PLPP7: variants seen among roughly 807,000 people sequenced by gnomAD.
PLPP7 encodes inactive phospholipid phosphatase 7.
PLPP7 carries 11 observed loss-of-function variants against 16.9 expected under a neutral mutation model. The ratio of observed to expected loss-of-function variants is 0.65; its 90% CI spans 0.41 to 1.08. PLPP7 has a LOEUF of 1.08. PLPP7 is among the 50% of genes least tolerant of loss of function. PLPP7 has a pLI of 0.00. For synonymous variants in PLPP7, 174 were observed against 175.1 expected, an observed-to-expected ratio of 0.99 and a Z score of 0.05; for missense variants, 358 against 397.1, an observed-to-expected ratio of 0.90 and a Z score of 0.84.
Position 131,308,507 on chromosome 9 carries a change from G to A in PLPP7, c.*220G>A, listed in dbSNP as rs2131222987. The A allele has an allele frequency of 1.3e-6, 1 of 753,398 alleles. No homozygotes were observed. Among genetic ancestry groups the A allele is most frequent in the Non-Finnish European group, 2.1e-6 (1 of 482,366 alleles). 46.7% of individuals were successfully genotyped at this position (753,398 alleles called of 1,614,324 possible). A position where few individuals can be genotyped will look rare whatever the true frequency, so the allele number is the denominator to read the frequency against. ...GCCAGGCCTCTTGCCCCTTTGCTTG[G>A]ACTCCAAGTCTCCTCTCTAGGCAGC... On this transcript the variant is annotated 3_prime_UTR_variant, in exon 2 of 2. Coordinates refer to ENST00000372264, the MANE Select transcript of PLPP7 (RefSeq NM_032728.4).
chr9:131,290,394 C>G lies in PLPP7; in HGVS notation c.397C>G (p.Leu133Val). 1 of 1,596,006 alleles carries G rather than the reference C, an allele frequency of 6.3e-7. No individual in the cohort carries two copies. Among genetic ancestry groups the G allele is most frequent in the Non-Finnish European group, 8.5e-7 (1 of 1,171,450 alleles). Residue 133 changes from leucine (L) to valine (V), a missense_variant, in exon 1 of 2, where the codon CTG (leucine) becomes GTG (valine). Coordinates refer to ENST00000372264, the MANE Select transcript of PLPP7 (RefSeq NM_032728.4). This position sits in a 1 kb window ranked among gnomAD's most constrained non-coding sequence, Gnocchi z 4.2. ...IPWIGGTILCLVKSSTLAGQE... is the reference protein window; with the variant it reads ...IPWIGGTILCVVKSSTLAGQE... ...CTGGATCGGAGGCACCATCCTCTGC[C>G]TGGTGAAGAGCAGCACACTGGCCGG...
chr9:131,291,151 T>A, intron 1 of PLPP7: 1 of 1,366,398 alleles, frequency 7.3e-7, no homozygotes, highest in Non-Finnish European at 9.8e-7. Context: ...GGGGCCCATG[T>A]GGAGGCAAGC....
At chr9:131,307,273 C>T (rs138942314) in intron 1 of PLPP7, among the ~76,000 whole-genome samples, 1,562 of 146,766 alleles carry the variant, frequency 0.011, 27 homozygotes, top group African/African-American at 0.038. Flanking sequence ...GAAAAAGGGC[C>T]GGGCGCAGTG....
chr9:131,302,657 C>T (rs7040709), intron 1 of PLPP7, among the ~76,000 whole-genome samples: 6,115 of 152,302 alleles, frequency 0.04, 440 homozygotes, highest in African/African-American at 0.14. Flanking sequence ...AGGCCCCGCC[C>T]TCCTTGGGCC....
At chr9:131,302,941 C>A (rs1456420760) in intron 1 of PLPP7, among the ~76,000 whole-genome samples, 1 of 152,188 alleles carries the variant, frequency 6.6e-6, no homozygotes, top group Non-Finnish European at 1.5e-5. Flanking sequence ...TGCCTCACAC[C>A]CTGCAGCAAG....
Position 131,290,961 on chromosome 9 carries a change from G to A in PLPP7, c.451+513G>A. The A allele has an allele frequency of 1.2e-6, 1 of 844,944 alleles. No homozygotes were observed. Among genetic ancestry groups the A allele is most frequent in the South Asian group, 1.4e-5 (1 of 71,536 alleles). The allele number at this position is 844,944 out of a possible 1,614,324, so 52.3% of individuals were successfully genotyped here. A position where few individuals can be genotyped will look rare whatever the true frequency, so the allele number is the denominator to read the frequency against. On this transcript the variant is annotated intron_variant, in intron 1 of 1. Transcript: ENST00000372264. This position sits in a 1 kb window ranked among gnomAD's most constrained non-coding sequence, Gnocchi z 4.2. ...CCAGGCTTCTTCCCCAGGGTCTGGG[G>A]ACCCAGGGAGTTCCCCTGGGACTGC...
chr9:131,303,751 C>T (rs985229807), intron 1 of PLPP7, among the ~76,000 whole-genome samples: 6 of 152,182 alleles, frequency 3.9e-5, no homozygotes, highest in Admixed American at 3.9e-4. Context: ...TGTCACCCTG[C>T]AGTCAGCAAC....
In PLPP7 at chr9:131,290,125, C is replaced by T. The variant is rs142547455; in HGVS notation, c.128C>T (p.Ser43Leu). Residue 43 changes from serine (S) to leucine (L), a missense_variant, in exon 1 of 2, where the codon TCG becomes TTG. Coordinates refer to ENST00000372264, the MANE Select transcript of PLPP7 (RefSeq NM_032728.4). This position sits in a 1 kb window ranked among gnomAD's most constrained non-coding sequence, Gnocchi z 4.2. ...CCCCGCAGCTCGGGCAGAAAGGCCT[C>T]GGGCCCATCAGCACAGCCCCCACCT... ...PEPRSSGRKA[S>L]GPSAQPPPAG... The T allele has an allele frequency of 3.1e-4, 480 of 1,555,282 alleles. 3 individuals are homozygous for T. The East Asian group carries it at 9.3e-3, about 30-fold the overall frequency.
intron 1 of PLPP7, among the ~76,000 whole-genome samples, chr9:131,299,567 C>T (rs559282488): frequency 3.0e-4 from 46 of 152,124 alleles, no homozygotes; most frequent in Non-Finnish European, 4.0e-4. Flanking sequence ...GGGGAGACTA[C>T]GGCTCTGTTG....
At chr9:131,303,682 C>T (rs533531069) in intron 1 of PLPP7, among the ~76,000 whole-genome samples, 143 of 152,172 alleles carry the variant, frequency 9.4e-4, no homozygotes, top group Non-Finnish European at 1.7e-3. Flanking sequence ...GCTGCGACTT[C>T]CATGCTTTAG....
chr9:131,301,294 G>T (rs1488777502), intron 1 of PLPP7, among the ~76,000 whole-genome samples: 1 of 152,182 alleles, frequency 6.6e-6, no homozygotes, highest in Non-Finnish European at 1.5e-5. Context: ...GAACCCATCA[G>T]CTGCTGAGTC....
chr9:131,307,261 A>T (rs1382258170), intron 1 of PLPP7, among the ~76,000 whole-genome samples: 2 of 145,524 alleles, frequency 1.4e-5, no homozygotes, highest in South Asian at 2.2e-4. Context: ...AAAAAAAAAA[A>T]GGAAAAAGGG....
Position 131,307,662 on chromosome 9 carries a change from A to G in PLPP7, c.452-261A>G, listed in dbSNP as rs181887350. ...AAAATTAAACAAGGTGAGGGGAGACAGCGTGGTGGGGGCTTTTTACAAACA... is the reference window on the plus strand; with the variant it reads ...AAAATTAAACAAGGTGAGGGGAGACGGCGTGGTGGGGGCTTTTTACAAACA... On this transcript the variant is annotated intron_variant, in intron 1 of 1. Transcript: ENST00000372264. 3.5e-3 allele frequency among the ~76,000 whole-genome samples: 527 copies of G among 151,520 alleles called. 2 individuals are homozygous for G. Among genetic ancestry groups the G allele is most frequent in the African/African-American group, 0.013 (517 of 41,336 alleles).
At position 131,290,609 on chromosome 9, in the gene PLPP7, G is replaced by A. The variant is rs1042584552; in HGVS notation, c.451+161G>A. Among the ~76,000 whole-genome samples, 4 of 144,956 alleles carry A rather than the reference G, an allele frequency of 2.8e-5. No homozygotes were observed. The highest frequency in any genetic ancestry group is 9.9e-5 in the African/African-American group (4 of 40,492). On this transcript the variant is annotated intron_variant, in intron 1 of 1. Transcript: ENST00000372264. This position sits in a 1 kb window ranked among gnomAD's most constrained non-coding sequence, Gnocchi z 4.2. ...GGTGCCCCAGAAACAGGCAGGCTCC[G>A]GCGTGGGGGAGCGACAGCCAGGGAT...
intron 1 of PLPP7, 75 bp from the exon 2 acceptor site, chr9:131,307,848 G>A: frequency 1.4e-6 from 2 of 1,429,542 alleles, no homozygotes; most frequent in Non-Finnish European, 9.3e-7. Flanking sequence ...GAGGCGAGGT[G>A]GAAATGTGGG....
rs1835646523 is a variant in PLPP7 at position 131,290,049 on chromosome 9, A to G, written c.52A>G (p.Asn18Asp). The G allele has an allele frequency of 6.8e-7, 1 of 1,468,154 alleles. No homozygotes were observed. Among genetic ancestry groups the G allele is most frequent in the Non-Finnish European group, 9.0e-7 (1 of 1,114,336 alleles). 90.9% of individuals were successfully genotyped at this position (1,468,154 alleles called of 1,614,324 possible). ...ARARDRNNVL[N>D]RAEFLSLNQP... ...TGCCCGGGACCGCAACAACGTCCTC[A>G]ACCGGGCTGAGTTCCTGTCCCTGAA... The change falls in exon 1 of 2, where the codon AAC becomes GAC. Residue 18 changes from asparagine to aspartate, a missense_variant. By Grantham distance (23) the Asn-to-Asp change is conservative. Transcript: ENST00000372264. This position sits in a 1 kb window ranked among gnomAD's most constrained non-coding sequence, Gnocchi z 4.2.
chr9:131,301,072 G>A (rs1282234736), intron 1 of PLPP7, among the ~76,000 whole-genome samples: 2 of 152,142 alleles, frequency 1.3e-5, no homozygotes, highest in East Asian at 1.9e-4. Flanking sequence ...AGATTCAAGC[G>A]ATTGTCCTGC....
At chr9:131,301,441 C>T (rs1404529452) in intron 1 of PLPP7, among the ~76,000 whole-genome samples, 4 of 152,192 alleles carry the variant, frequency 2.6e-5, no homozygotes, top group Non-Finnish European at 5.9e-5. Flanking sequence ...ATTCTGGCAG[C>T]TGTTCGGGCA....
chr9:131,294,777 T>C (rs1349439526), intron 1 of PLPP7, among the ~76,000 whole-genome samples: 3 of 151,772 alleles, frequency 2.0e-5, no homozygotes, highest in Non-Finnish European at 4.4e-5. Flanking sequence ...TTCAAGCAAT[T>C]CTCCAACATG....
Sources: allele counts gnomAD v4.1 joint callset (sites outside exome capture counted in the v4.1 genomes callset), GRCh38; gene constraint gnomAD v4.1.1; non-coding constraint Gnocchi (gnomAD v3.1); transcripts MANE v1.5; gene names NCBI Gene and HGNC (gene_info 2026-07-23, HGNC 2026-07-21).